IGF2BP3: variants seen among roughly 807,000 people sequenced by gnomAD.
IGF2BP3 encodes the protein insulin-like growth factor 2 mRNA-binding protein 3.
Under a neutral mutation model 73.8 loss-of-function variants are expected in IGF2BP3, and 9 were observed. That is an observed-to-expected ratio of 0.12 (90% CI 0.07 to 0.21). IGF2BP3 has a LOEUF of 0.21. IGF2BP3 is among the 10% of genes least tolerant of loss of function. IGF2BP3 has a pLI of 1.00. For missense variants in IGF2BP3, 542 were observed against 714.0 expected (o/e 0.76, Z 2.75); for synonymous variants, 258 against 256.7 (o/e 1.01, Z -0.05).
chr7:23,457,000 A>G (rs2128550273), intron 2 of IGF2BP3, among the ~76,000 whole-genome samples: 1 of 151,540 alleles, frequency 6.6e-6, no homozygotes, highest in East Asian at 2.0e-4. Context: ...AGTGAGCCAA[A>G]ATCGCGCCAC....
At chr7:23,320,329 G>A (rs1298620926) in intron 10 of IGF2BP3, among the ~76,000 whole-genome samples, 3 of 152,078 alleles carry the variant, frequency 2.0e-5, no homozygotes, top group Non-Finnish European at 4.4e-5. Context: ...CCCACTTCAA[G>A]CCAGTTGTGC....
intron 12 of IGF2BP3, among the ~76,000 whole-genome samples, chr7:23,315,920 G>C (rs1452318220): frequency 6.6e-6 from 1 of 152,162 alleles, no homozygotes; most frequent in Non-Finnish European, 1.5e-5. Context: ...TTTTATTAGT[G>C]AATACAGGGA....
chr7:23,317,908 C>A, intron 11 of IGF2BP3, 195 bp from the exon 12 acceptor site: 1 of 588,566 alleles, frequency 1.7e-6, no homozygotes, highest in Non-Finnish European at 3.1e-6. Context: ...TATGCTTATT[C>A]TGTGCCGGGC....
At chr7:23,389,456 C>T (rs1446166355) in intron 3 of IGF2BP3, among the ~76,000 whole-genome samples, 13 of 152,044 alleles carry the variant, frequency 8.6e-5, no homozygotes, top group South Asian at 2.1e-4. Flanking sequence ...CCACCATACC[C>T]GACTAACTCC....
intron 3 of IGF2BP3, among the ~76,000 whole-genome samples, chr7:23,385,775 T>A (rs1786064210): frequency 6.6e-6 from 1 of 152,136 alleles, no homozygotes; most frequent in African/African-American, 2.4e-5. Context: ...CTCACCACAT[T>A]GCCCAAAGCT....
chr7:23,340,847 T>C (rs1464523559), intron 10 of IGF2BP3, among the ~76,000 whole-genome samples: 7 of 150,502 alleles, frequency 4.7e-5, no homozygotes, highest in Admixed American at 4.6e-4. Context: ...CTTTTTCTTT[T>C]TCTTTTTTTT....
Position 23,313,663 on chromosome 7 carries a change from A to T in IGF2BP3, c.1396-10T>A, listed in dbSNP as rs1195374455. The T allele has an allele frequency of 1.9e-6, 3 of 1,612,620 alleles. No homozygotes were observed. Among genetic ancestry groups the T allele is most frequent in the Non-Finnish European group, 2.5e-6 (3 of 1,179,740 alleles). On this transcript the variant is annotated splice_polypyrimidine_tract_variant and intron_variant, in intron 12 of 14. Coordinates refer to ENST00000258729, the MANE Select transcript of IGF2BP3 (RefSeq NM_006547.3). ...AAATTCTTCCCTGAGCCTGCAGATGAAAACACATCCTATTAGTGTCATTCA... is the reference window on the plus strand; with the variant it reads ...AAATTCTTCCCTGAGCCTGCAGATGTAAACACATCCTATTAGTGTCATTCA...
intron 2 of IGF2BP3, among the ~76,000 whole-genome samples, chr7:23,451,501 G>A (rs1382439127): frequency 1.3e-5 from 2 of 152,274 alleles, no homozygotes; most frequent in East Asian, 1.9e-4. Context: ...GGCTGAGGCA[G>A]GAGAATCGCT....
At chr7:23,333,998 A>T (rs931262423) in intron 10 of IGF2BP3, among the ~76,000 whole-genome samples, 1 of 152,166 alleles carries the variant, frequency 6.6e-6, no homozygotes, top group African/African-American at 2.4e-5. Flanking sequence ...TTTGCCAATC[A>T]TTAAATTGGC....
rs1017925063 is a variant in IGF2BP3 at position 23,315,341 on chromosome 7, C to G, written c.1396-1688G>C. Among the ~76,000 whole-genome samples the G allele has an allele frequency of 9.9e-5, 15 of 152,134 alleles. 1 individual carries two copies. Among genetic ancestry groups the G allele is most frequent in the Admixed American group, 9.2e-4 (14 of 15,270 alleles). On this transcript the variant is annotated intron_variant, in intron 12 of 14. Coordinates refer to ENST00000258729, the MANE Select transcript of IGF2BP3 (RefSeq NM_006547.3). ...CAGGCTGGTCTGGAACTCCTGGACT[C>G]AAGTGATCTACCCACCTAGGCCTCT...
intron 2 of IGF2BP3, among the ~76,000 whole-genome samples, chr7:23,429,104 A>T (rs1316399960): frequency 6.6e-6 from 1 of 152,194 alleles, no homozygotes; most frequent in Admixed American, 6.6e-5. Context: ...GAGAGACTAC[A>T]ATCTGGTCAC....
chr7:23,449,825 C>A (rs7799118), intron 2 of IGF2BP3, among the ~76,000 whole-genome samples: 280 of 152,070 alleles, frequency 1.8e-3, no homozygotes, highest in African/African-American at 6.6e-3. Flanking sequence ...CCTCAGCCTC[C>A]CAAAGTTCAT....
In IGF2BP3 at chr7:23,350,984, G is replaced by A. The variant is rs931937121; in HGVS notation, c.683+321C>T. On this transcript the variant is annotated intron_variant, in intron 6 of 14. Transcript: ENST00000258729. Reference sequence around the variant, plus strand: ...ACTTCCAAAAACAATGAGGGCAGGTGGGGGGTAAGGGGTGGGACAGAGGAC... The same window carrying A: ...ACTTCCAAAAACAATGAGGGCAGGTAGGGGGTAAGGGGTGGGACAGAGGAC... 1.1e-4 allele frequency among the ~76,000 whole-genome samples: 16 copies of A among 152,284 alleles called. 1 individual carries two copies. Among genetic ancestry groups the A allele is most frequent in the Admixed American group, 9.1e-4 (14 of 15,308 alleles).
rs1043512540 is a variant in IGF2BP3 at position 23,342,157 on chromosome 7, C to G, written c.1110G>C (p.Leu370=). The G allele has an allele frequency of 5.6e-6, 9 of 1,613,764 alleles. No homozygotes were observed. The highest frequency in any genetic ancestry group is 1.7e-6 in the Non-Finnish European group (2 of 1,179,846). Residue 370 remains leucine (L), a synonymous_variant, in exon 10 of 15, where the codon CTG becomes CTC. Coordinates refer to ENST00000258729, the MANE Select transcript of IGF2BP3 (RefSeq NM_006547.3). ...LQAHLIPGLN[L]NALGLFPPTS... Reference sequence around the variant, plus strand: ...TGGGTGGGAACAGACCCAAGGCGTTCAGATTTAATCCAGGAATTAAATGTG... The same window carrying G: ...TGGGTGGGAACAGACCCAAGGCGTTGAGATTTAATCCAGGAATTAAATGTG...
Position 23,310,951 on chromosome 7 carries a change from T to G in IGF2BP3, c.*1411A>C, listed in dbSNP as rs1783810343. The G allele has an allele frequency of 6.6e-6, 1 of 152,084 alleles. No individual in the cohort carries two copies. Among genetic ancestry groups the G allele is most frequent in the East Asian group, 1.9e-4 (1 of 5,184 alleles). The allele number at this position is 152,084 out of a possible 1,614,324, so 9.4% of individuals were successfully genotyped here. ...CGTACTGGGCTTTGCTGTCAAGGAG[T>G]GAGCAAATGAGTTCGTTATCAAAGG... On this transcript the variant is annotated 3_prime_UTR_variant, in exon 15 of 15. Coordinates refer to ENST00000258729, the MANE Select transcript of IGF2BP3 (RefSeq NM_006547.3).
chr7:23,389,935 C>T (rs1028296988), intron 3 of IGF2BP3, among the ~76,000 whole-genome samples: 6 of 151,814 alleles, frequency 4.0e-5, no homozygotes, highest in African/African-American at 1.5e-4. Flanking sequence ...GTGACTGAGC[C>T]AGTACACTCC....
At chr7:23,349,979 C>T (rs1233031065) in intron 6 of IGF2BP3, among the ~76,000 whole-genome samples, 1 of 152,146 alleles carries the variant, frequency 6.6e-6, no homozygotes, top group Non-Finnish European at 1.5e-5. Context: ...TTGTCTTTCC[C>T]ACTCCTACAT....
At chr7:23,368,985 G>C (rs930171484) in intron 3 of IGF2BP3, among the ~76,000 whole-genome samples, 1 of 151,926 alleles carries the variant, frequency 6.6e-6, no homozygotes, top group African/African-American at 2.4e-5. Context: ...TCTCAATAAA[G>C]CTGTTAAAAA....
intron 10 of IGF2BP3, 88 bp downstream of exon 10, chr7:23,341,976 T>C: frequency 7.4e-7 from 1 of 1,358,638 alleles, no homozygotes; most frequent in East Asian, 2.7e-5. Flanking sequence ...AGAGCATATG[T>C]TGGCATCTAA....
Sources: allele counts gnomAD v4.1 joint callset (sites outside exome capture counted in the v4.1 genomes callset), GRCh38; gene constraint gnomAD v4.1.1; transcripts MANE v1.5; gene names NCBI Gene and HGNC (gene_info 2026-07-23, HGNC 2026-07-21).